The following CLEC2B variants were observed in gnomAD, a reference collection of about 807,000 sequenced individuals.
CLEC2B encodes C-type (calcium dependent, carbohydrate-recognition domain) lectin, superfamily member 2 (activation-induced).
Under a neutral mutation model 16.2 loss-of-function variants are expected in CLEC2B, and 14 were observed. The observed-to-expected ratio is 0.86, with a 90% confidence interval of 0.57 to 1.35. CLEC2B has a LOEUF of 1.35. CLEC2B is among the 40% of genes most tolerant of loss of function. CLEC2B has a pLI of 0.00. For synonymous variants in CLEC2B, 42 were observed against 55.8 expected (o/e 0.75, Z 1.10); for missense variants, 166 against 182.3 (o/e 0.91, Z 0.52).
intron 1 of CLEC2B, among the ~76,000 whole-genome samples, chr12:9,867,770 T>C (rs1231133810): frequency 6.6e-6 from 1 of 152,144 alleles, no homozygotes; most frequent in African/African-American, 2.4e-5. Flanking sequence ...AATAGTTCTA[T>C]ATTTAAATGT....
chr12:9,864,397 C>T (rs1867955565), intron 1 of CLEC2B, among the ~76,000 whole-genome samples: 1 of 152,128 alleles, frequency 6.6e-6, no homozygotes, highest in South Asian at 2.1e-4. Flanking sequence ...TATGCACAAA[C>T]CCAGAATACT....
chr12:9,852,413 G>A lies in CLEC2B; in HGVS notation c.*887C>T, dbSNP rs1867852274. 6.6e-6 allele frequency among the ~76,000 whole-genome samples: 1 copy of A among 152,154 alleles called. No individual in the cohort carries two copies. ...TTATTGGCCCTAGTAAAGTTTTGAG[G>A]AGCTGGCAAGTTCTGATTGGTGTGT... On this transcript the variant is annotated 3_prime_UTR_variant, in exon 5 of 5. Transcript: ENST00000228438.
intron 3 of CLEC2B, 79 bp downstream of exon 3, chr12:9,857,395 C>A (rs1482236294): frequency 9.0e-7 from 1 of 1,110,628 alleles, no homozygotes; most frequent in African/African-American, 1.6e-5. Flanking sequence ...GAAAAGACTT[C>A]AAGATTATAA....
intron 1 of CLEC2B, among the ~76,000 whole-genome samples, chr12:9,866,064 A>T (rs1378771777): frequency 6.6e-6 from 1 of 152,126 alleles, no homozygotes; most frequent in Non-Finnish European, 1.5e-5. Flanking sequence ...GACTTCAGAT[A>T]AATAACCTAA....
chr12:9,865,769 T>G (rs1289884903), intron 1 of CLEC2B, among the ~76,000 whole-genome samples: 1 of 152,108 alleles, frequency 6.6e-6, no homozygotes. Flanking sequence ...AAAACAAGTC[T>G]CAATAAATTA....
At chr12:9,866,154 G>C (rs1029843391) in intron 1 of CLEC2B, among the ~76,000 whole-genome samples, 1 of 152,048 alleles carries the variant, frequency 6.6e-6, no homozygotes, top group African/African-American at 2.4e-5. Flanking sequence ...AAAAAATCAA[G>C]CTCTTTCTGA....
intron 3 of CLEC2B, chr12:9,854,859 G>A (rs1243718731): frequency 3.7e-6 from 1 of 268,476 alleles, no homozygotes; most frequent in Non-Finnish European, 6.9e-6. Flanking sequence ...CCAGTAAATA[G>A]TAGTAGCTTC....
At position 9,854,460 on chromosome 12, in the gene CLEC2B, T is replaced by A. The variant is rs1304720125; in HGVS notation, c.262A>T (p.Ser88Cys). 1 of 1,613,056 alleles carries A rather than the reference T, an allele frequency of 6.2e-7. No individual in the cohort carries two copies. The highest frequency in any genetic ancestry group is 1.1e-5 in the South Asian group (1 of 91,048). The change falls in exon 4 of 5, where the codon AGT becomes TGT. Residue 88 changes from serine to cysteine, a missense_variant. Transcript: ENST00000228438. ...EMNFLRRYKC[S>C]SDHWIGLKMA... Reference sequence around the variant, plus strand: ...TTCAGTCCAATCCAGTGATCAGAACTGCATTTATACCGCCTAAGAAAATTC... The same window carrying A: ...TTCAGTCCAATCCAGTGATCAGAACAGCATTTATACCGCCTAAGAAAATTC...
In CLEC2B at chr12:9,854,400, CA is replaced by C; in HGVS notation, c.321del (p.Asp107GlufsTer11). ...MAKNRTGQWV[D>X]GATFTKSFGM... is the part of the protein sequence containing the mutation. ...ACTCACGATTTGGTAAATGTAGCTC[CA>C]TCTACCCATTGTCCTGTTCGATTTT... is the stretch of plus-strand genomic sequence containing the variant. On this transcript the variant is annotated frameshift_variant, in exon 4 of 5. Transcript: ENST00000228438. LOFTEE classifies it low-confidence loss of function (END_TRUNC). The C allele has an allele frequency of 6.2e-7, 1 of 1,612,066 alleles. No individual in the cohort carries two copies. The highest frequency in any genetic ancestry group is 8.5e-7 in the Non-Finnish European group (1 of 1,178,318).
At chr12:9,853,566 AAG>A (rs1867868903) in intron 4 of CLEC2B, among the ~76,000 whole-genome samples, 158 bp from the exon 5 acceptor site, 1 of 152,220 alleles carries the variant, frequency 6.6e-6, no homozygotes, top group African/African-American at 2.4e-5. Flanking sequence ...TTTGGATCAA[AAG>A]AGTTTCTTTT....
intron 1 of CLEC2B, chr12:9,867,105 C>A (rs1867976249): frequency 6.6e-6 from 1 of 152,048 alleles, no homozygotes; most frequent in African/African-American, 2.4e-5. Context: ...CAGAGCTAGA[C>A]CCGAAGAGGT....
At chr12:9,855,282 G>A (rs774743240) in intron 3 of CLEC2B, among the ~76,000 whole-genome samples, 3 of 152,024 alleles carry the variant, frequency 2.0e-5, no homozygotes, top group Non-Finnish European at 4.4e-5. Flanking sequence ...AGTGACACCT[G>A]TGACTTTTGA....
intron 1 of CLEC2B, 146 bp from the exon 2 acceptor site, chr12:9,862,719 A>C: frequency 1.4e-6 from 1 of 696,794 alleles, no homozygotes; most frequent in Non-Finnish European, 2.0e-6. Context: ...GAATTCAAAT[A>C]TGAGAAGAAG....
Position 9,857,499 on chromosome 12 carries a change from G to A in CLEC2B, c.212C>T (p.Thr71Ile), listed in dbSNP as rs970388501. 2 of 1,609,838 alleles carry A rather than the reference G, an allele frequency of 1.2e-6. No individual in the cohort carries two copies. The highest frequency in any genetic ancestry group is 1.3e-5 in the African/African-American group (1 of 74,878). The change falls in exon 3 of 5, where the codon ACT (threonine) becomes ATT (isoleucine). Residue 71 changes from threonine (T) to isoleucine (I), a missense_variant. Thr to Ile is a moderately conservative substitution (Grantham distance 89). Coordinates refer to ENST00000228438, the MANE Select transcript of CLEC2B (RefSeq NM_005127.3). ...CATTTCTTCTATGTTGTCAATTATAGTTAGGTCGGCATGTTGAGTGGAACA... is the reference window on the plus strand; with the variant it reads ...CATTTCTTCTATGTTGTCAATTATAATTAGGTCGGCATGTTGAGTGGAACA... The part of the protein sequence containing the change: ...YNCSTQHADL[T>I]IIDNIEEMNF...
chr12:9,866,312 T>G (rs547375877), intron 1 of CLEC2B, among the ~76,000 whole-genome samples: 6 of 152,252 alleles, frequency 3.9e-5, no homozygotes, highest in African/African-American at 1.2e-4. Context: ...TGTCATTCCG[T>G]TTTTCTCCCC....
intron 2 of CLEC2B, 90 bp from the exon 3 acceptor site, chr12:9,857,727 A>G: frequency 1.0e-6 from 1 of 1,004,566 alleles, no homozygotes; most frequent in Non-Finnish European, 1.5e-6. Context: ...TTTTGATGTA[A>G]AAGATTATGG....
At chr12:9,867,296 G>A (rs1179108065) in intron 1 of CLEC2B, 1 of 152,070 alleles carries the variant, frequency 6.6e-6, no homozygotes, top group Non-Finnish European at 1.5e-5. Flanking sequence ...CATTCAGTGG[G>A]ATGGAGACTT....
chr12:9,857,758 C>T (rs918590422), intron 2 of CLEC2B, 121 bp from the exon 3 acceptor site: 3 of 766,790 alleles, frequency 3.9e-6, no homozygotes, highest in Non-Finnish European at 6.3e-6. Flanking sequence ...AGTTGTATAT[C>T]TATTATATGA....
chr12:9,862,566 C>A lies in CLEC2B; in HGVS notation c.6G>T (p.Met2Ile). The A allele has an allele frequency of 1.4e-6, 2 of 1,473,702 alleles. No homozygotes were observed. The highest frequency in any genetic ancestry group is 2.5e-5 in the South Asian group (2 of 80,988). The allele number at this position is 1,473,702 out of a possible 1,614,324, so 91.3% of individuals were successfully genotyped here. A position where few individuals can be genotyped will look rare whatever the true frequency, so the allele number is the denominator to read the frequency against. M[M>I]TKHKKCFIIV... ...TTATAAAACACTTTTTATGTTTGGT[C>A]ATCATACCTGAAAAATAAAAATAAA... The change falls in exon 2 of 5, where the codon ATG (methionine) becomes ATT (isoleucine). Residue 2 changes from methionine (M) to isoleucine (I), a missense_variant. Transcript: ENST00000228438.
Sources: gnomAD v4.1 joint callset for allele counts (sites outside exome capture counted in the v4.1 genomes callset) on GRCh38, gnomAD v4.1.1 for gene constraint, MANE v1.5 for transcripts, NCBI Gene and HGNC (gene_info 2026-07-23, HGNC 2026-07-21) for gene names.